CNNM2: variants seen among roughly 807,000 people sequenced by gnomAD.
The protein encoded by CNNM2 is metal transporter CNNM2.
CNNM2 carries 12 observed loss-of-function variants against 66.9 expected under a neutral mutation model. The observed-to-expected ratio is 0.18, with a 90% CI of 0.11 to 0.29. The LOEUF (loss-of-function observed/expected upper bound fraction) is 0.29. CNNM2 is among the 10% of genes least tolerant of loss of function. The pLI is 1.00. For missense variants in CNNM2, 705 were observed against 1,167.7 expected (o/e 0.60, Z 5.77); for synonymous variants, 557 against 501.8 (o/e 1.11, Z -1.47).
Position 102,925,296 on chromosome 10 carries a change from C to CAAA in CNNM2, c.1621+5223_1621+5225dup, listed in dbSNP as rs10624810. On this transcript the variant is annotated intron_variant, in intron 1 of 7. Coordinates refer to ENST00000369878, the MANE Select transcript of CNNM2 (RefSeq NM_017649.5). Reference sequence around the variant, plus strand: ...GGGCAACAAGAGCGAAACTCCATCTCAAAAAAAAAAAAAAAAAAAAAAAAA... The same window carrying CAAA: ...GGGCAACAAGAGCGAAACTCCATCTCAAAAAAAAAAAAAAAAAAAAAAAAAAAA... 7.0e-3 allele frequency among the ~76,000 whole-genome samples: 125 copies of CAAA among 17,748 alleles called. 15 individuals carry two copies. Among genetic ancestry groups the CAAA allele is most frequent in the East Asian group, 0.025 (14 of 552 alleles). The allele number at this position is 17,748 out of a possible 152,430, so 11.6% of individuals were successfully genotyped here. A position where few individuals can be genotyped will look rare whatever the true frequency, so the allele number is the denominator to read the frequency against.
intron 1 of CNNM2, among the ~76,000 whole-genome samples, chr10:102,948,047 C>G (rs1211812166): frequency 2.0e-5 from 3 of 152,148 alleles, no homozygotes; most frequent in Admixed American, 1.3e-4. Flanking sequence ...GCGAGACTCC[C>G]TCTCAAAAAA....
At chr10:103,074,663 A>G (rs1413001513) in intron 6 of CNNM2, among the ~76,000 whole-genome samples, 2 of 151,900 alleles carry the variant, frequency 1.3e-5, no homozygotes, top group African/African-American at 4.8e-5. Context: ...CAAAAACCCC[A>G]TCTATACCAA....
chr10:103,023,806 T>C (rs920411714), intron 1 of CNNM2, among the ~76,000 whole-genome samples: 3 of 152,126 alleles, frequency 2.0e-5, no homozygotes, highest in Admixed American at 2.0e-4. Context: ...ATAAAACAAA[T>C]TTGCAATCAT....
chr10:102,968,242 G>GTTGTT (rs992038153), intron 1 of CNNM2, among the ~76,000 whole-genome samples: 2 of 151,956 alleles, frequency 1.3e-5, no homozygotes, highest in Non-Finnish European at 2.9e-5. Context: ...TGTTGTTGTT[G>GTTGTT]TTGTTTTGTT....
chr10:102,981,300 T>C (rs576829321), intron 1 of CNNM2, among the ~76,000 whole-genome samples: 2 of 152,046 alleles, frequency 1.3e-5, no homozygotes, highest in South Asian at 4.1e-4. Context: ...CAGTGAGCTG[T>C]GATCATGCCA....
At chr10:102,935,035 T>C (rs1846185315) in intron 1 of CNNM2, among the ~76,000 whole-genome samples, 1 of 151,584 alleles carries the variant, frequency 6.6e-6, no homozygotes, top group Non-Finnish European at 1.5e-5. Context: ...GGCGGGCACC[T>C]GTAATCCCAG....
rs4919696 is a variant in CNNM2 at position 102,969,519 on chromosome 10, C to T, written c.1621+49418C>T. 0.012 allele frequency among the ~76,000 whole-genome samples: 1,787 copies of T among 150,710 alleles called. 118 individuals are homozygous for T. Among genetic ancestry groups the T allele is most frequent in the Admixed American group, 0.11 (1,594 of 15,078 alleles). On this transcript the variant is annotated intron_variant, in intron 1 of 7. Coordinates refer to ENST00000369878, the MANE Select transcript of CNNM2 (RefSeq NM_017649.5). ...GAGCCACCATGCCCAGCCAGTAGTG[C>T]TATCTTAGTTGTAGTTTTGCTTTGT... is the stretch of plus-strand genomic sequence containing the variant.
chr10:103,036,532 G>C (rs1176835198), intron 1 of CNNM2, among the ~76,000 whole-genome samples: 1 of 152,196 alleles, frequency 6.6e-6, no homozygotes, highest in East Asian at 1.9e-4. Flanking sequence ...AAGAGGAGCT[G>C]CCTGGAAAAT....
intron 1 of CNNM2, among the ~76,000 whole-genome samples, chr10:102,964,990 GAC>G (rs1160805562): frequency 3.3e-5 from 5 of 152,164 alleles, no homozygotes; most frequent in Admixed American, 6.6e-5. Context: ...GCGGTGTGAA[GAC>G]ACAGCGTTCC....
chr10:102,954,884 G>GAT (rs1405273615), intron 1 of CNNM2, among the ~76,000 whole-genome samples: 1 of 152,046 alleles, frequency 6.6e-6, no homozygotes, highest in Non-Finnish European at 1.5e-5. Context: ...AATAAAAGAG[G>GAT]ACACAAATAG....
At chr10:103,041,837 A>G (rs2065045387) in intron 1 of CNNM2, among the ~76,000 whole-genome samples, 1 of 151,150 alleles carries the variant, frequency 6.6e-6, no homozygotes, top group African/African-American at 2.4e-5. Context: ...CTTTGGTTCT[A>G]TCTCAGCCTC....
At chr10:102,983,407 A>T (rs2063748352) in intron 1 of CNNM2, among the ~76,000 whole-genome samples, 1 of 149,938 alleles carries the variant, frequency 6.7e-6, no homozygotes, top group Non-Finnish European at 1.5e-5. Context: ...CACACCTGTA[A>T]TCCCAGCACT....
intron 1 of CNNM2, among the ~76,000 whole-genome samples, chr10:103,010,398 C>T (rs190587642): frequency 3.3e-5 from 5 of 151,926 alleles, no homozygotes; most frequent in South Asian, 2.1e-4. Context: ...CCACCATGCC[C>T]GGCTAATTTT....
At chr10:102,935,461 A>G (rs985338508) in intron 1 of CNNM2, among the ~76,000 whole-genome samples, 2 of 152,052 alleles carry the variant, frequency 1.3e-5, no homozygotes, top group Admixed American at 1.3e-4. Context: ...CCTCATCTCA[A>G]AAAAAACTTT....
chr10:103,020,404 C>T (rs781356578), intron 1 of CNNM2, among the ~76,000 whole-genome samples: 2 of 152,132 alleles, frequency 1.3e-5, no homozygotes, highest in East Asian at 1.9e-4. Flanking sequence ...GATCCGCTTG[C>T]GTCAGCCTCC....
chr10:103,053,806 A>G (rs2065254245), intron 2 of CNNM2, among the ~76,000 whole-genome samples: 1 of 152,154 alleles, frequency 6.6e-6, no homozygotes, highest in South Asian at 2.1e-4. Flanking sequence ...TTATTAAAAC[A>G]CTGCTCTGCG....
At chr10:103,007,940 C>G (rs1035333748) in intron 1 of CNNM2, among the ~76,000 whole-genome samples, 2 of 152,202 alleles carry the variant, frequency 1.3e-5, no homozygotes, top group African/African-American at 4.8e-5. Flanking sequence ...ATGAAATCTT[C>G]ACAATTTCTG....
At chr10:103,011,796 G>A (rs1203832097) in intron 1 of CNNM2, among the ~76,000 whole-genome samples, 12 of 151,832 alleles carry the variant, frequency 7.9e-5, no homozygotes, top group African/African-American at 2.2e-4. Flanking sequence ...TCGTTCAAGC[G>A]ATTCTTCTGC....
Position 102,919,575 on chromosome 10 carries a change from C to A in CNNM2, c.1095C>A (p.Ser365=). The stretch of plus-strand genomic sequence containing the variant: ...AGATCGTGCCCCAGGCCATCTGCTC[C>A]CGGCATGGCCTGGCTGTGGGGGCCA... ...FGEIVPQAIC[S]RHGLAVGANT... Residue 365 remains serine, a synonymous_variant, in exon 1 of 8, where the codon TCC becomes TCA. Transcript: ENST00000369878. 1.2e-6 allele frequency: 2 copies of A among 1,613,564 alleles called. No homozygotes were observed. Among genetic ancestry groups the A allele is most frequent in the Non-Finnish European group, 1.7e-6 (2 of 1,180,038 alleles).
Sources: allele counts gnomAD v4.1 joint callset (sites outside exome capture counted in the v4.1 genomes callset), GRCh38; gene constraint gnomAD v4.1.1; transcripts MANE v1.5; gene names NCBI Gene and HGNC (gene_info 2026-07-23, HGNC 2026-07-21).